Variants in ALK observed in about 807,000 individuals in gnomAD.
ALK encodes the protein ALK receptor tyrosine kinase.
In ALK, 74 loss-of-function variants were observed where a neutral mutation model predicts 163.1. That is an observed-to-expected ratio of 0.45 (90% CI 0.38 to 0.55). The LOEUF is 0.55. ALK is among the 20% of genes least tolerant of loss of function. The pLI is 0.00. For synonymous variants in ALK, 960 were observed against 843.2 expected (o/e 1.14, Z -2.40); for missense variants, 2,063 against 2,105.3 (o/e 0.98, Z 0.39).
chr2:29,281,534 C>T (rs1665719218), intron 9 of ALK, among the ~76,000 whole-genome samples: 2 of 152,324 alleles, frequency 1.3e-5, no homozygotes, highest in Admixed American at 6.5e-5. Context: ...TCAAAGAGGA[C>T]ACTTTTGATT....
chr2:29,225,292 G>T (rs536435243), intron 19 of ALK, among the ~76,000 whole-genome samples, 169 bp downstream of exon 19: 103 of 152,300 alleles, frequency 6.8e-4, no homozygotes, highest in Non-Finnish European at 1.9e-4. Flanking sequence ...TGGGGGGAAG[G>T]TTGGGAGCTT....
chr2:29,447,578 G>C lies in ALK; in HGVS notation c.1155-63719C>G, dbSNP rs1056830767. ...CACGCATAAAAGATAAGAACATGGA[G>C]TCAGGCCCCATCCTTCTCTCCACAG... is the stretch of plus-strand genomic sequence containing the variant. On this transcript the variant is annotated intron_variant, in intron 4 of 28. Transcript: ENST00000389048. 6.6e-5 allele frequency among the ~76,000 whole-genome samples: 10 copies of C among 152,236 alleles called. No homozygotes were observed. The East Asian group carries it at 1.9e-3, about 29-fold the overall frequency.
At chr2:29,498,258 T>TG (rs141960681) in intron 4 of ALK, among the ~76,000 whole-genome samples, 10,278 of 152,230 alleles carry the variant, frequency 0.068, 480 homozygotes, top group Non-Finnish European at 0.1. Flanking sequence ...TGACTGGGTT[T>TG]GGGGGAGGAG....
intron 1 of ALK, among the ~76,000 whole-genome samples, chr2:29,831,438 T>C (rs1665417818): frequency 6.6e-6 from 1 of 151,988 alleles, no homozygotes; most frequent in Non-Finnish European, 1.5e-5. Flanking sequence ...AGAGCTTCTC[T>C]CTTTATGCCC....
intron 5 of ALK, among the ~76,000 whole-genome samples, chr2:29,353,312 G>A (rs4665456): frequency 0.99 from 150,897 of 152,362 alleles, 74,738 homozygotes; most frequent in East Asian, 1. Context: ...TGCTACTCCA[G>A]GGGAAGATAA....
In ALK at chr2:29,246,502, G is replaced by T. The variant is rs73920754; in HGVS notation, c.2204+4603C>A. ...AGCCACCCACCCTCTAGACACCATG[G>T]TTACTCAGCACCACGGCCCAGAGGC... On this transcript the variant is annotated intron_variant, in intron 12 of 28. Transcript: ENST00000389048. This position sits in a 1 kb window ranked among gnomAD's most constrained non-coding sequence, Gnocchi z 4.3. Among the ~76,000 whole-genome samples the T allele has an allele frequency of 0.078, 11,900 of 152,174 alleles. 545 individuals are homozygous for T. The highest frequency in any genetic ancestry group is 0.12 in the African/African-American group (4,907 of 41,498).
intron 4 of ALK, among the ~76,000 whole-genome samples, chr2:29,470,107 A>G (rs1671313640): frequency 6.6e-6 from 1 of 152,184 alleles, no homozygotes; most frequent in Non-Finnish European, 1.5e-5. Flanking sequence ...AATTCAATAG[A>G]TGAGTTTAAC....
intron 3 of ALK, among the ~76,000 whole-genome samples, chr2:29,660,111 G>A (rs776838080): frequency 6.6e-6 from 1 of 152,114 alleles, no homozygotes; most frequent in Non-Finnish European, 1.5e-5. Context: ...ATGTGCTATG[G>A]ACAATGGGGG....
At chr2:29,342,655 G>A (rs1019761053) in intron 5 of ALK, among the ~76,000 whole-genome samples, 6 of 152,174 alleles carry the variant, frequency 3.9e-5, no homozygotes, top group Non-Finnish European at 7.4e-5. Context: ...CCCTAATGAA[G>A]ACTGTAGGAC....
chr2:29,472,964 C>A (rs753922159), intron 4 of ALK, among the ~76,000 whole-genome samples: 1 of 152,196 alleles, frequency 6.6e-6, no homozygotes, highest in Non-Finnish European at 1.5e-5. Context: ...TAATCCCAAT[C>A]AAAATCTCAG....
chr2:29,232,204 G>A (rs557405676), intron 15 of ALK, 100 bp downstream of exon 15: 330 of 1,505,996 alleles, frequency 2.2e-4, no homozygotes, highest in Admixed American at 9.5e-4. Flanking sequence ...TAGCATCCCA[G>A]GTGCCAGTGA....
intron 1 of ALK, among the ~76,000 whole-genome samples, chr2:29,909,031 G>A (rs1317741028): frequency 1.3e-5 from 2 of 152,172 alleles, no homozygotes; most frequent in Admixed American, 6.5e-5. Flanking sequence ...GGATTCCCTT[G>A]TCTAATTTCT....
At chr2:29,488,826 A>G (rs957615966) in intron 4 of ALK, among the ~76,000 whole-genome samples, 3 of 152,146 alleles carry the variant, frequency 2.0e-5, no homozygotes, top group African/African-American at 7.2e-5. Flanking sequence ...GTCTTCCTCC[A>G]CCTAGGAAGG....
chr2:29,348,737 C>G (rs1422638331), intron 5 of ALK, among the ~76,000 whole-genome samples: 1 of 152,210 alleles, frequency 6.6e-6, no homozygotes, highest in African/African-American at 2.4e-5. Context: ...TTGTGCAGAT[C>G]ACATAGAAGG....
At chr2:29,698,885 C>T (rs181419479) in intron 2 of ALK, among the ~76,000 whole-genome samples, 1 of 152,212 alleles carries the variant, frequency 6.6e-6, no homozygotes, top group Non-Finnish European at 1.5e-5. Flanking sequence ...TTGGTTGAAA[C>T]TGAATTAGGC....
chr2:29,271,223 C>T (rs1267081304), intron 11 of ALK, among the ~76,000 whole-genome samples: 11 of 152,216 alleles, frequency 7.2e-5, no homozygotes, highest in African/African-American at 2.4e-4. Context: ...CCGTCATCCC[C>T]AGAAGGGCGT....
At chr2:29,460,066 C>A (rs945421762) in intron 4 of ALK, among the ~76,000 whole-genome samples, 2 of 152,162 alleles carry the variant, frequency 1.3e-5, no homozygotes, top group Non-Finnish European at 2.9e-5. Context: ...CACCCTGGAG[C>A]CTTGCTCCAC....
chr2:29,625,461 T>C (rs1676166075), intron 3 of ALK, among the ~76,000 whole-genome samples: 1 of 152,218 alleles, frequency 6.6e-6, no homozygotes, highest in Admixed American at 6.5e-5. Flanking sequence ...CTGGATTCTT[T>C]CAATAGCCCT....
intron 5 of ALK, among the ~76,000 whole-genome samples, chr2:29,359,705 G>T (rs1668344187): frequency 6.6e-6 from 1 of 152,188 alleles, no homozygotes; most frequent in East Asian, 1.9e-4. Context: ...GGCTGCTTCA[G>T]CCACTCATCT....
Sources: allele counts gnomAD v4.1 joint callset (sites outside exome capture counted in the v4.1 genomes callset), GRCh38; gene constraint gnomAD v4.1.1; non-coding constraint Gnocchi (gnomAD v3.1); transcripts MANE v1.5; gene names NCBI Gene and HGNC (gene_info 2026-07-23, HGNC 2026-07-21).